The following TTC23L variants were observed in gnomAD, a reference collection of about 807,000 sequenced individuals.
The protein encoded by TTC23L is tetratricopeptide repeat protein 23-like.
A neutral mutation model predicts 48.1 loss-of-function variants in TTC23L; 42 were observed. The ratio of observed to expected loss-of-function variants is 0.87; its 90% CI spans 0.68 to 1.13. The LOEUF (loss-of-function observed/expected upper bound fraction) is 1.13. Ranked by LOEUF, TTC23L falls within the 50% of genes most tolerant of loss-of-function variation. The pLI, the probability that TTC23L is intolerant of heterozygous loss-of-function variation, is 0.00. For missense variants in TTC23L, 391 were observed against 421.0 expected (o/e 0.93, Z 0.62); for synonymous variants, 159 against 157.2 (o/e 1.01, Z -0.09).
At chr5:34,868,607 G>C (rs1761226961) in intron 7 of TTC23L, 1 of 269,988 alleles carries the variant, frequency 3.7e-6, no homozygotes, top group African/African-American at 2.2e-5. Flanking sequence ...ACTGAGCTAA[G>C]GTTATGACTT....
intron 3 of TTC23L, among the ~76,000 whole-genome samples, chr5:34,848,223 G>C (rs576852171): frequency 6.6e-5 from 10 of 152,212 alleles, no homozygotes; most frequent in African/African-American, 2.4e-4. Flanking sequence ...TGACCCTATC[G>C]ACTCGTTCAG....
the TTC23L span, chr5:34,914,959 C>T: frequency 6.4e-7 from 1 of 1,555,842 alleles, no homozygotes; most frequent in Non-Finnish European, 8.8e-7. Context: ...GATCGCCAAA[C>T]ACCTGAAGGG....
Position 34,896,033 on chromosome 5 carries a change from C to T in TTC23L, c.1078-737C>T, listed in dbSNP as rs560908036. On this transcript the variant is annotated intron_variant, in intron 9 of 10. Transcript: ENST00000505624. ...CAGAGCCAGGTAGCCAAACAAGGGG[C>T]AGCAGCTTTTCCAAATCAGGATTCT... Among the ~76,000 whole-genome samples, 72 of 152,316 alleles carry T rather than the reference C, an allele frequency of 4.7e-4. 1 individual carries two copies. Among genetic ancestry groups the T allele is most frequent in the Non-Finnish European group, 3.5e-4 (24 of 68,044 alleles).
rs946240901 is a variant in TTC23L at position 34,858,339 on chromosome 5, A to G, written c.380-4559A>G. On this transcript the variant is annotated intron_variant, in intron 4 of 10. Coordinates refer to ENST00000505624, the Ensembl canonical transcript of TTC23L. ...AAAGAGGACGTACTTAGACTTAGTA[A>G]ATGTAAATTCATTTCAAAGTGTTGC... Among the ~76,000 whole-genome samples the G allele has an allele frequency of 5.9e-5, 9 of 152,332 alleles. No individual in the cohort carries two copies. In the East Asian group the frequency reaches 1.5e-3, roughly 26 times the overall value.
chr5:34,855,026 G>A (rs1435548910), intron 4 of TTC23L, among the ~76,000 whole-genome samples: 2 of 152,192 alleles, frequency 1.3e-5, no homozygotes, highest in Non-Finnish European at 2.9e-5. Context: ...GGTGGAAGAA[G>A]GGGTGGGCAT....
At chr5:34,909,825 GACAATTTATAAGTGTTA>G in the TTC23L span, among the ~76,000 whole-genome samples, 1 of 152,142 alleles carries the variant, frequency 6.6e-6, no homozygotes. Context: ...GTTATTTGTA[GACAATTTATAAGTGTTA>G]ACATGCTGAT....
chr5:34,869,310 T>C (rs1444785691), intron 8 of TTC23L: 2 of 303,902 alleles, frequency 6.6e-6, no homozygotes, highest in Non-Finnish European at 1.3e-5. Context: ...GAATGTGGCC[T>C]GTGCAGTATC....
chr5:34,904,750 C>T, the TTC23L span, among the ~76,000 whole-genome samples: 2 of 152,116 alleles, frequency 1.3e-5, no homozygotes, highest in Admixed American at 6.5e-5. Flanking sequence ...TCAGCCACGG[C>T]AACCAAAATC....
At chr5:34,847,018 C>A (rs1759260506) in intron 3 of TTC23L, among the ~76,000 whole-genome samples, 1 of 152,130 alleles carries the variant, frequency 6.6e-6, no homozygotes, top group African/African-American at 2.4e-5. Context: ...AAGACGTCGA[C>A]TCTCATTATT....
At chr5:34,866,991 G>A in exon 7 of TTC23L, 1 of 1,611,786 alleles carries the variant, frequency 6.2e-7, no homozygotes, top group Non-Finnish European at 8.5e-7. Flanking sequence ...CGTCAGATCT[G>A]ATCAGCCTGT....
the TTC23L span, among the ~76,000 whole-genome samples, chr5:34,904,609 G>T: frequency 6.7e-6 from 1 of 149,176 alleles, no homozygotes; most frequent in Non-Finnish European, 1.5e-5. Flanking sequence ...AAAAAAAAAA[G>T]TTTATGTAAC....
At chr5:34,898,833 A>G (rs1763389656) in intron 10 of TTC23L, among the ~76,000 whole-genome samples, 1 of 152,218 alleles carries the variant, frequency 6.6e-6, no homozygotes, top group Admixed American at 6.5e-5. Flanking sequence ...TGAGGTAGAA[A>G]TAGGAGGTGA....
intron 4 of TTC23L, among the ~76,000 whole-genome samples, chr5:34,860,354 A>G (rs1171523977): frequency 1.3e-5 from 2 of 152,236 alleles, no homozygotes; most frequent in African/African-American, 4.8e-5. Flanking sequence ...GAAAAACAAG[A>G]TGAGTCCTAC....
At chr5:34,908,927 T>C in the TTC23L span, 1 of 1,607,394 alleles carries the variant, frequency 6.2e-7, no homozygotes. Context: ...TTGTAGAGGG[T>C]TTCAGTAAGG....
At chr5:34,868,931 C>A in exon 8 of TTC23L, 1 of 1,610,064 alleles carries the variant, frequency 6.2e-7, no homozygotes, top group South Asian at 1.1e-5. Context: ...TTTCTTTGTT[C>A]ACTGAAGTCA....
chr5:34,880,788 GC>G (rs1211464734), intron 9 of TTC23L: 2 of 272,810 alleles, frequency 7.3e-6, no homozygotes, highest in Non-Finnish European at 1.4e-5. Context: ...ACAGGCATGC[GC>G]CACCATGCCC....
chr5:34,925,322 C>A, the TTC23L span: 2 of 1,613,654 alleles, frequency 1.2e-6, no homozygotes, highest in Non-Finnish European at 1.7e-6. Flanking sequence ...GCCGAAGACT[C>A]TTCTTCCACA....
chr5:34,875,615 A>G (rs1761780234), intron 8 of TTC23L, among the ~76,000 whole-genome samples: 1 of 152,042 alleles, frequency 6.6e-6, no homozygotes, highest in African/African-American at 2.4e-5. Context: ...CTCTAATGTT[A>G]ATCTCCTTTG....
rs557735877 is a variant in TTC23L at position 34,843,416 on chromosome 5, A to G, written c.69-2071A>G. ...CTTCTATAACATGATGTTCAAAGCT[A>G]GTTCAGGGATTTACATTCTCAAATC... On this transcript the variant is annotated intron_variant, in intron 2 of 10. Coordinates refer to ENST00000505624, the Ensembl canonical transcript of TTC23L. 1.7e-4 allele frequency among the ~76,000 whole-genome samples: 26 copies of G among 152,340 alleles called. No homozygotes were observed. In the South Asian group the frequency reaches 4.1e-3, roughly 24 times the overall value.
Sources: allele counts gnomAD v4.1 joint callset (sites outside exome capture counted in the v4.1 genomes callset), GRCh38; gene constraint gnomAD v4.1.1; transcripts MANE v1.5; gene names NCBI Gene and HGNC (gene_info 2026-07-23, HGNC 2026-07-21).